The following PLCE1 variants were observed in gnomAD, a reference collection of about 807,000 sequenced individuals.
PLCE1 encodes the protein 1-phosphatidylinositol 4,5-bisphosphate phosphodiesterase epsilon-1.
Under a neutral mutation model 242.8 loss-of-function variants are expected in PLCE1, and 119 were observed. The ratio of observed to expected loss-of-function variants is 0.49; its 90% confidence interval spans 0.42 to 0.57. The LOEUF (loss-of-function observed/expected upper bound fraction) is 0.57. Ranked by LOEUF, PLCE1 falls within the 20% of genes least tolerant of loss-of-function variation. PLCE1 has a pLI of 0.00. For missense variants in PLCE1, 2,441 were observed against 2,788.8 expected, an observed-to-expected ratio of 0.88 and a Z score of 2.81; for synonymous variants, 945 against 1,017.4, an observed-to-expected ratio of 0.93 and a Z score of 1.35.
At chr10:94,136,413 A>G (rs1194922364) in intron 3 of PLCE1, among the ~76,000 whole-genome samples, 1 of 152,344 alleles carries the variant, frequency 6.6e-6, no homozygotes, top group African/African-American at 2.4e-5. Flanking sequence ...GTATTTTATC[A>G]TAAGAAGAAA....
At chr10:94,137,915 G>T in intron 3 of PLCE1, 1 of 377,510 alleles carries the variant, frequency 2.6e-6, no homozygotes, top group South Asian at 2.6e-5. Context: ...CAAAGCCAGT[G>T]CTGAGGAGAT....
intron 2 of PLCE1, among the ~76,000 whole-genome samples, chr10:94,119,124 T>C (rs546593602): frequency 6.6e-6 from 1 of 152,210 alleles, no homozygotes; most frequent in Non-Finnish European, 1.5e-5. Context: ...ATGAAGTATA[T>C]CGTCTCTCTC....
chr10:94,260,620 T>C (rs1288937322), intron 13 of PLCE1, among the ~76,000 whole-genome samples: 1 of 151,682 alleles, frequency 6.6e-6, no homozygotes, highest in East Asian at 1.9e-4. Context: ...CTATTATATT[T>C]TATTATTTTA....
In PLCE1 at chr10:94,236,024, G is replaced by A. The variant is rs1245412653; in HGVS notation, c.2324G>A (p.Arg775Gln). 1.9e-5 allele frequency: 30 copies of A among 1,613,914 alleles called. No individual in the cohort carries two copies. The highest frequency in any genetic ancestry group is 1.0e-4 in the Admixed American group (6 of 59,998). The change falls in exon 7 of 33, where the codon CGG becomes CAG. Residue 775 changes from arginine (R) to glutamine (Q), a missense_variant. By Grantham distance (43) the Arg-to-Gln change is conservative (BLOSUM62 1). Transcript: ENST00000371380. ...GTCAACAGCATCTTTCAGGTCATCCGGAGCTGCAATCGAAGTCTGGAGACA... is the reference window on the plus strand; with the variant it reads ...GTCAACAGCATCTTTCAGGTCATCCAGAGCTGCAATCGAAGTCTGGAGACA... ...STVNSIFQVI[R>Q]SCNRSLETDE... is the part of the protein sequence containing the mutation.
At chr10:94,052,424 C>T (rs140998584) in intron 2 of PLCE1, among the ~76,000 whole-genome samples, 134 of 152,266 alleles carry the variant, frequency 8.8e-4, no homozygotes, top group Middle Eastern at 3.4e-3. Context: ...GAGGTGTCCT[C>T]GCAGTAGATA....
In PLCE1 at chr10:94,298,738, T is replaced by C; in HGVS notation, c.5458+69T>C. ...TTCAGTAAATGCAGTTTGACAGCAT[T>C]TTTTCAAAGGGGCAAGATTCCAGAC... On this transcript the variant is annotated intron_variant, in intron 24 of 32. Coordinates refer to ENST00000371380, the MANE Select transcript of PLCE1 (RefSeq NM_016341.4). The surrounding 1 kb of genome is among the most constrained non-coding windows in gnomAD (Gnocchi z 5.2). 1 of 1,549,672 alleles carries C rather than the reference T, an allele frequency of 6.5e-7. No homozygotes were observed. The highest frequency in any genetic ancestry group is 8.9e-7 in the Non-Finnish European group (1 of 1,122,776).
chr10:94,245,114 G>A (rs183825482), intron 7 of PLCE1, among the ~76,000 whole-genome samples: 482 of 152,272 alleles, frequency 3.2e-3, no homozygotes, highest in Non-Finnish European at 5.0e-3. Flanking sequence ...TTGTGTTTAT[G>A]ATTTAATTGA....
At chr10:94,161,109 T>C (rs927900552) in intron 3 of PLCE1, among the ~76,000 whole-genome samples, 2 of 152,240 alleles carry the variant, frequency 1.3e-5, no homozygotes, top group Non-Finnish European at 2.9e-5. Flanking sequence ...TGGTTCCATA[T>C]GAACTTTAAA....
chr10:94,314,948 A>C (rs1307882406), intron 28 of PLCE1: 2 of 154,550 alleles, frequency 1.3e-5, no homozygotes, highest in Admixed American at 1.3e-4. Flanking sequence ...CATGTACTTT[A>C]GTGTCCACTA....
intron 4 of PLCE1, among the ~76,000 whole-genome samples, chr10:94,225,607 G>A (rs1463828386): frequency 6.6e-6 from 1 of 152,032 alleles, no homozygotes; most frequent in African/African-American, 2.4e-5. Context: ...CTCCAGCCTG[G>A]GCAACGAAGC....
At chr10:93,996,675 T>C (rs2060830363) in intron 1 of PLCE1, among the ~76,000 whole-genome samples, 2 of 152,226 alleles carry the variant, frequency 1.3e-5, no homozygotes, top group Admixed American at 1.3e-4. Context: ...ACCGAGGCTA[T>C]AATTCATCTG....
In PLCE1 at chr10:94,132,355, C is replaced by T. The variant is rs763640206; in HGVS notation, c.1388C>T (p.Ser463Leu). Residue 463 changes from serine (S) to leucine (L), a missense_variant, in exon 3 of 33, where the codon TCG becomes TTG. Around this residue, in one of 5 missense-constraint regions of PLCE1, gnomAD observed 733 missense variants for 754.2 expected, o/e 0.97. Coordinates refer to ENST00000371380, the MANE Select transcript of PLCE1 (RefSeq NM_016341.4). ...GCCACCCTCCAAAGGACTTCAATAT[C>T]GCAGTACATCACCGGTTCTCTCCTA... ...YRATLQRTSI[S>L]QYITGSLLEA... 7.4e-6 allele frequency: 12 copies of T among 1,613,988 alleles called. No homozygotes were observed. The highest frequency in any genetic ancestry group is 1.7e-5 in the Admixed American group (1 of 60,016).
chr10:94,054,827 A>G (rs924421386), intron 2 of PLCE1, among the ~76,000 whole-genome samples: 1 of 152,026 alleles, frequency 6.6e-6, no homozygotes, highest in African/African-American at 2.4e-5. Flanking sequence ...CCTGGCTAAC[A>G]CCTTGAAACC....
chr10:94,254,805 A>G (rs2051006200), intron 10 of PLCE1, 88 bp from the exon 11 acceptor site: 4 of 1,430,468 alleles, frequency 2.8e-6, no homozygotes, highest in African/African-American at 1.4e-5. Flanking sequence ...ATTTGCTCAG[A>G]CATCCAGAAG....
chr10:94,226,933 G>A (rs1056126665), intron 4 of PLCE1, among the ~76,000 whole-genome samples: 3 of 141,892 alleles, frequency 2.1e-5, no homozygotes, highest in Non-Finnish European at 3.0e-5. Flanking sequence ...TCTGCCTCTC[G>A]CTGCTCGCTG....
intron 1 of PLCE1, among the ~76,000 whole-genome samples, chr10:94,022,715 T>C (rs2061393762): frequency 6.6e-6 from 1 of 152,094 alleles, no homozygotes; most frequent in South Asian, 2.1e-4. Flanking sequence ...TGGAACTCTG[T>C]TCCTTCTCAG....
At position 94,132,451 on chromosome 10, in the gene PLCE1, T is replaced by G. The variant is rs766906990; in HGVS notation, c.1484T>G (p.Met495Arg). Residue 495 changes from methionine (M) to arginine (R), a missense_variant, in exon 3 of 33, where the codon ATG becomes AGG. Physicochemically the swap from Met to Arg is moderately conservative, Grantham distance 91 (BLOSUM62 -1). Transcript: ENST00000371380. The part of the protein sequence containing the change: ...STFGGSTGRM[M>R]LKERQPGPSV... ...TTTGGAGGATCCACTGGACGAATGA[T>G]GCTGAAAGGTAATGCCTGAAATTTC... is the stretch of plus-strand genomic sequence containing the variant. 6.2e-7 allele frequency: 1 copy of G among 1,613,994 alleles called. No homozygotes were observed.
intron 4 of PLCE1, among the ~76,000 whole-genome samples, chr10:94,184,737 C>T (rs1333967933): frequency 2.0e-5 from 3 of 152,200 alleles, no homozygotes; most frequent in Non-Finnish European, 2.9e-5. Context: ...TACATAGCCT[C>T]TGCAGTTGTT....
chr10:94,118,447 C>T (rs368533912), intron 2 of PLCE1, among the ~76,000 whole-genome samples: 2,054 of 32,762 alleles, frequency 0.063, 35 homozygotes, highest in Middle Eastern at 0.23. Flanking sequence ...CAAATCTCAC[C>T]TTATAGCTCC....
Sources: allele counts gnomAD v4.1 joint callset (sites outside exome capture counted in the v4.1 genomes callset), GRCh38; gene constraint gnomAD v4.1.1; regional missense constraint gnomAD v4.1.1; non-coding constraint Gnocchi (gnomAD v3.1); transcripts MANE v1.5; gene names NCBI Gene and HGNC (gene_info 2026-07-23, HGNC 2026-07-21).